The following MDGA2 variants were observed in gnomAD, a reference collection of about 807,000 sequenced individuals.
MDGA2 encodes MAM domain-containing glycosylphosphatidylinositol anchor protein 2.
In MDGA2, 40 loss-of-function variants were observed where a neutral mutation model predicts 117.8. The ratio of observed to expected loss-of-function variants is 0.34; its 90% CI spans 0.26 to 0.44. The LOEUF (loss-of-function observed/expected upper bound fraction) is 0.44, where lower values mean the gene tolerates loss of function less well. Ranked by LOEUF, MDGA2 falls within the 20% of genes least tolerant of loss-of-function variation. The pLI is 1.00. For synonymous variants in MDGA2, 452 were observed against 439.0 expected (o/e 1.03, Z -0.37); for missense variants, 1,123 against 1,250.6 (o/e 0.90, Z 1.54).
At chr14:47,674,074 G>A (rs1397252924) in intron 1 of MDGA2, among the ~76,000 whole-genome samples, 1 of 141,042 alleles carries the variant, frequency 7.1e-6, no homozygotes, top group Non-Finnish European at 1.5e-5. Flanking sequence ...ACAGAAAAAG[G>A]AAAAGGTGGA....
At position 47,612,641 on chromosome 14, in the gene MDGA2, C is replaced by T. The variant is rs568517792; in HGVS notation, c.280+61876G>A. 4.6e-5 allele frequency among the ~76,000 whole-genome samples: 7 copies of T among 152,146 alleles called. No homozygotes were observed. The South Asian group carries it at 1.5e-3, about 32-fold the overall frequency. ...GGCTATGAGAAACTATTTGGGTATG[C>T]TTCTATACCTTCTCCAAGCAATTTG... On this transcript the variant is annotated intron_variant, in intron 1 of 16. Coordinates refer to ENST00000399232, the MANE Select transcript of MDGA2 (RefSeq NM_001113498.3).
chr14:47,150,923 CAAAA>C (rs34212740), intron 3 of MDGA2, among the ~76,000 whole-genome samples: 2 of 82,460 alleles, frequency 2.4e-5, no homozygotes, highest in Non-Finnish European at 2.5e-5. Flanking sequence ...GACTCTGTCT[CAAAA>C]AAAAAAAAAA....
chr14:47,421,291 G>A (rs1289241747), intron 1 of MDGA2, among the ~76,000 whole-genome samples: 1 of 152,100 alleles, frequency 6.6e-6, no homozygotes, highest in African/African-American at 2.4e-5. Context: ...TTTAATTTAG[G>A]TAAGTCAATC....
chr14:47,001,513 T>C (rs1887528459), intron 8 of MDGA2, among the ~76,000 whole-genome samples: 2 of 152,150 alleles, frequency 1.3e-5, no homozygotes, highest in African/African-American at 2.4e-5. Context: ...AAAGATTTGA[T>C]GTAACCAGGA....
At chr14:47,289,487 T>C (rs1463270439) in intron 2 of MDGA2, among the ~76,000 whole-genome samples, 2 of 152,002 alleles carry the variant, frequency 1.3e-5, no homozygotes, top group Admixed American at 1.3e-4. Context: ...GTGAAATATC[T>C]ACCATTTGGT....
intron 1 of MDGA2, among the ~76,000 whole-genome samples, chr14:47,423,860 GA>G (rs386777195): frequency 3.3e-5 from 5 of 151,974 alleles, no homozygotes; most frequent in African/African-American, 9.7e-5. Context: ...CACCCAGGCT[GA>G]AGTGCAGTGG....
chr14:47,600,465 G>T (rs1466802981), intron 1 of MDGA2, among the ~76,000 whole-genome samples: 4 of 152,096 alleles, frequency 2.6e-5, no homozygotes, highest in South Asian at 4.2e-4. Flanking sequence ...GTATATGGTT[G>T]TCCCAGGAAA....
chr14:47,473,744 C>G (rs1386729696), intron 1 of MDGA2, among the ~76,000 whole-genome samples: 1 of 152,072 alleles, frequency 6.6e-6, no homozygotes, highest in Non-Finnish European at 1.5e-5. Flanking sequence ...TCAATAGACA[C>G]AGAAAAGGCC....
chr14:47,149,193 G>A (rs554474631), intron 3 of MDGA2, among the ~76,000 whole-genome samples: 2 of 152,236 alleles, frequency 1.3e-5, no homozygotes, highest in East Asian at 3.9e-4. Flanking sequence ...AGGACGCTGA[G>A]GCAGGAGAAT....
chr14:47,044,918 G>C (rs917110730), intron 7 of MDGA2, among the ~76,000 whole-genome samples: 1 of 152,148 alleles, frequency 6.6e-6, no homozygotes, highest in African/African-American at 2.4e-5. Flanking sequence ...GGGAGAAATA[G>C]GTTCCTGGAG....
intron 8 of MDGA2, among the ~76,000 whole-genome samples, chr14:47,017,810 T>C (rs1888137585): frequency 6.6e-6 from 1 of 152,134 alleles, no homozygotes; most frequent in Admixed American, 6.5e-5. Context: ...TTGCTTCTAA[T>C]GATCTAAAAC....
In MDGA2 at chr14:46,954,121, T is replaced by C. The variant is rs115487059; in HGVS notation, c.2089+3253A>G. ...CTACTGATGTAGGTGACCTGAAACC[T>C]CGCAGGTTGATTTTCCTCATTGACT... On this transcript the variant is annotated intron_variant, in intron 9 of 16. Coordinates refer to ENST00000399232, the MANE Select transcript of MDGA2 (RefSeq NM_001113498.3). Among the ~76,000 whole-genome samples the C allele has an allele frequency of 6.5e-3, 991 of 152,102 alleles. 11 individuals are homozygous for C. Among genetic ancestry groups the C allele is most frequent in the African/African-American group, 0.023 (966 of 41,514 alleles).
chr14:47,112,788 C>T (rs75125750), intron 5 of MDGA2, among the ~76,000 whole-genome samples: 1 of 152,246 alleles, frequency 6.6e-6, no homozygotes, highest in South Asian at 2.1e-4. Context: ...AATGGTATTT[C>T]TGGTTCTACG....
chr14:47,184,478 A>G (rs1308475371), intron 3 of MDGA2, among the ~76,000 whole-genome samples: 1 of 151,916 alleles, frequency 6.6e-6, no homozygotes. Flanking sequence ...TTAAATACCC[A>G]TGTAGCCCAG....
chr14:47,493,162 A>G (rs1894207596), intron 1 of MDGA2, among the ~76,000 whole-genome samples: 1 of 151,874 alleles, frequency 6.6e-6, no homozygotes, highest in Admixed American at 6.6e-5. Context: ...GACCTGTAAT[A>G]ATAAGCAGAT....
chr14:47,280,537 A>G lies in MDGA2; in HGVS notation c.420+20874T>C, dbSNP rs1316851914. Among the ~76,000 whole-genome samples the G allele has an allele frequency of 5.3e-5, 8 of 152,028 alleles. 1 individual carries two copies. The highest frequency in any genetic ancestry group is 1.7e-4 in the African/African-American group (7 of 41,396). ...TGATTTTCTAGATATTTAGCTTGCA[A>G]TGTTTTAAAATGTTTTCCAGACTAA... is the stretch of plus-strand genomic sequence containing the variant. On this transcript the variant is annotated intron_variant, in intron 2 of 16. Coordinates refer to ENST00000399232, the MANE Select transcript of MDGA2 (RefSeq NM_001113498.3).
At chr14:46,990,478 A>C (rs1887045644) in intron 8 of MDGA2, among the ~76,000 whole-genome samples, 1 of 152,030 alleles carries the variant, frequency 6.6e-6, no homozygotes, top group Admixed American at 6.6e-5. Flanking sequence ...ACAAGAAAAA[A>C]ATGTTCTGAG....
chr14:47,308,298 A>T (rs1889521778), intron 1 of MDGA2, among the ~76,000 whole-genome samples: 1 of 152,194 alleles, frequency 6.6e-6, no homozygotes, highest in South Asian at 2.1e-4. Flanking sequence ...GAATATTTCA[A>T]CAATATTGTA....
At position 47,143,333 on chromosome 14, in the gene MDGA2, C is replaced by T. The variant is rs892875291; in HGVS notation, c.792+745G>A. 2.0e-5 allele frequency among the ~76,000 whole-genome samples: 3 copies of T among 152,040 alleles called. No individual in the cohort carries two copies. The East Asian group carries it at 5.8e-4, about 29-fold the overall frequency. ...TATCACAATACTTTTGAACATTTGT[C>T]CAAATTTTTTTTTATTTAAAACTTT... On this transcript the variant is annotated intron_variant, in intron 4 of 16. Coordinates refer to ENST00000399232, the MANE Select transcript of MDGA2 (RefSeq NM_001113498.3).
Sources: gnomAD v4.1 joint callset for allele counts (sites outside exome capture counted in the v4.1 genomes callset) on GRCh38, gnomAD v4.1.1 for gene constraint, MANE v1.5 for transcripts, NCBI Gene and HGNC (gene_info 2026-07-23, HGNC 2026-07-21) for gene names.